The following STIM1 variants were observed in gnomAD, a reference collection of about 807,000 sequenced individuals.
STIM1 encodes stromal interaction molecule 1.
STIM1 carries 25 observed loss-of-function variants against 74.7 expected under a neutral mutation model. The observed-to-expected ratio is 0.33, with a 90% CI of 0.24 to 0.47. STIM1 has a LOEUF of 0.47. Among genes scored for constraint, STIM1 ranks in the 20% least tolerant of loss-of-function variants. The probability of loss-of-function intolerance (pLI) is 1.00; values close to 1 mark genes in which losing one functional copy is unlikely to be tolerated. For missense variants in STIM1, 728 were observed against 920.8 expected, an observed-to-expected ratio of 0.79 and a Z score of 2.71; for synonymous variants, 328 against 348.8, an observed-to-expected ratio of 0.94 and a Z score of 0.66.
chr11:4,062,813 G>A (rs1357285596), intron 5 of STIM1, among the ~76,000 whole-genome samples: 2 of 152,146 alleles, frequency 1.3e-5, no homozygotes, highest in South Asian at 2.1e-4. Context: ...AAGTGTTGGT[G>A]AGGATGTGTT....
chr11:3,975,952 T>C (rs73427572), intron 2 of STIM1, among the ~76,000 whole-genome samples: 3,874 of 152,332 alleles, frequency 0.025, 144 homozygotes, highest in African/African-American at 0.083. Flanking sequence ...AAGTTAAATA[T>C]ATGTCCCAGC....
At chr11:4,071,767 G>A (rs1411484029) in intron 6 of STIM1, among the ~76,000 whole-genome samples, 1 of 152,206 alleles carries the variant, frequency 6.6e-6, no homozygotes, top group Non-Finnish European at 1.5e-5. Flanking sequence ...CTTTGAAGTA[G>A]GTACTATTAG....
intron 6 of STIM1, among the ~76,000 whole-genome samples, chr11:4,071,506 C>T (rs1020887789): frequency 2.0e-5 from 3 of 151,858 alleles, no homozygotes; most frequent in Admixed American, 6.6e-5. Context: ...CCATGCCTGG[C>T]TAATTTTTTT....
At chr11:3,874,464 G>A (rs1330702571) in intron 1 of STIM1, among the ~76,000 whole-genome samples, 1 of 152,168 alleles carries the variant, frequency 6.6e-6, no homozygotes, top group African/African-American at 2.4e-5. Flanking sequence ...TTCAGAAAAG[G>A]AAAATAATTT....
intron 1 of STIM1, among the ~76,000 whole-genome samples, chr11:3,944,861 G>C (rs987234539): frequency 6.6e-6 from 1 of 152,144 alleles, no homozygotes; most frequent in Non-Finnish European, 1.5e-5. Context: ...TATCTCTAGA[G>C]GAATCAGCTA....
chr11:3,896,906 C>T (rs2092196411), intron 1 of STIM1, among the ~76,000 whole-genome samples: 1 of 152,136 alleles, frequency 6.6e-6, no homozygotes, highest in Admixed American at 6.5e-5. Flanking sequence ...TCTCATAGAG[C>T]TGTGCGAAGA....
chr11:3,893,626 A>G (rs1171874240), intron 1 of STIM1, among the ~76,000 whole-genome samples: 3 of 151,162 alleles, frequency 2.0e-5, no homozygotes, highest in Non-Finnish European at 4.4e-5. Context: ...ATAATTGTAT[A>G]TGGTTGGTTA....
intron 3 of STIM1, among the ~76,000 whole-genome samples, chr11:4,040,007 G>A (rs2094136157): frequency 6.6e-6 from 1 of 152,074 alleles, no homozygotes; most frequent in Non-Finnish European, 1.5e-5. Flanking sequence ...GACCTCATGT[G>A]ATCTGCCTGC....
intron 2 of STIM1, among the ~76,000 whole-genome samples, chr11:3,977,417 G>T (rs940414831): frequency 3.3e-5 from 5 of 152,170 alleles, no homozygotes; most frequent in African/African-American, 1.2e-4. Flanking sequence ...ATAACACAGG[G>T]TTATGAGCTT....
At chr11:3,943,876 T>A (rs1018443680) in intron 1 of STIM1, among the ~76,000 whole-genome samples, 2 of 152,250 alleles carry the variant, frequency 1.3e-5, no homozygotes, top group Non-Finnish European at 2.9e-5. Flanking sequence ...GAAAACAAAT[T>A]ATCACGTATA....
intron 1 of STIM1, among the ~76,000 whole-genome samples, chr11:3,934,176 G>A (rs2092905791): frequency 6.6e-6 from 1 of 152,016 alleles, no homozygotes; most frequent in Non-Finnish European, 1.5e-5. Context: ...TGGTGGAAGA[G>A]GAAGTGTAAC....
rs563320063 is a variant in STIM1 at position 3,925,284 on chromosome 11, A to G, written c.140-42268A>G. Among the ~76,000 whole-genome samples, 4 of 152,304 alleles carry G rather than the reference A, an allele frequency of 2.6e-5. No homozygotes were observed. In the South Asian group the frequency reaches 8.3e-4, roughly 32 times the overall value. On this transcript the variant is annotated intron_variant, in intron 1 of 12. Transcript: ENST00000526596. ...GTGGCGCACGCCTGTAGTCCCAGCT[A>G]CTCAGGAGGCTGATGCAGGAGAATC...
At chr11:3,902,183 T>C (rs1434158175) in intron 1 of STIM1, among the ~76,000 whole-genome samples, 1 of 152,214 alleles carries the variant, frequency 6.6e-6, no homozygotes, top group Non-Finnish European at 1.5e-5. Context: ...AGTGTGGAAG[T>C]ATAAGTTACA....
At chr11:3,868,491 T>C (rs1290646513) in intron 1 of STIM1, among the ~76,000 whole-genome samples, 1 of 152,144 alleles carries the variant, frequency 6.6e-6, no homozygotes, top group South Asian at 2.1e-4. Context: ...GTTTAATAAC[T>C]TGGTGTGGGG....
intron 2 of STIM1, among the ~76,000 whole-genome samples, chr11:4,006,850 A>G (rs2093787008): frequency 1.3e-5 from 2 of 152,140 alleles, no homozygotes; most frequent in Admixed American, 1.3e-4. Context: ...ATGGAAGGTA[A>G]GTAGTAGGGA....
chr11:3,862,152 A>G (rs2090638234), intron 1 of STIM1, among the ~76,000 whole-genome samples: 1 of 152,216 alleles, frequency 6.6e-6, no homozygotes, highest in Non-Finnish European at 1.5e-5. Flanking sequence ...AAGTATAAAT[A>G]ATAATAAATT....
chr11:3,865,967 A>G (rs1305754599), intron 1 of STIM1, among the ~76,000 whole-genome samples: 2 of 152,220 alleles, frequency 1.3e-5, no homozygotes, highest in African/African-American at 4.8e-5. Context: ...GAAGTCATGC[A>G]AGAAAAATCC....
rs964796023 is a variant in STIM1, at chr11:4,070,209, G to A, written c.791+6G>A. Reference sequence around the variant, plus strand: ...CTGCATGACCTTCAGGAAAGGTAAGGCCTGCCCCTTCAGGAAAGGTGAGGC... The same window carrying A: ...CTGCATGACCTTCAGGAAAGGTAAGACCTGCCCCTTCAGGAAAGGTGAGGC... On this transcript the variant is annotated splice_donor_region_variant and intron_variant, in intron 6 of 12. Coordinates refer to ENST00000526596, the MANE Select transcript of STIM1 (RefSeq NM_001382567.1). 1.2e-6 allele frequency: 2 copies of A among 1,613,722 alleles called. No homozygotes were observed. Among genetic ancestry groups the A allele is most frequent in the Admixed American group, 1.7e-5 (1 of 60,024 alleles).
At chr11:4,069,157 A>C (rs1173018201) in intron 5 of STIM1, among the ~76,000 whole-genome samples, 1 of 152,228 alleles carries the variant, frequency 6.6e-6, no homozygotes, top group Non-Finnish European at 1.5e-5. Flanking sequence ...CACAGAGCCC[A>C]GATCTGGTAT....
Sources: gnomAD v4.1 joint callset for allele counts (sites outside exome capture counted in the v4.1 genomes callset) on GRCh38, gnomAD v4.1.1 for gene constraint, MANE v1.5 for transcripts, NCBI Gene and HGNC (gene_info 2026-07-23, HGNC 2026-07-21) for gene names.